The following VPS26B variants were observed in gnomAD, a reference collection of about 807,000 sequenced individuals.
VPS26B encodes VPS26 retromer complex component B.
Under a neutral mutation model 33.3 loss-of-function variants are expected in VPS26B, and 10 were observed. The ratio of observed to expected loss-of-function variants is 0.30; its 90% CI spans 0.19 to 0.51. The LOEUF (loss-of-function observed/expected upper bound fraction) is 0.51, where lower values mean the gene tolerates loss of function less well. VPS26B is among the 20% of genes least tolerant of loss of function. The pLI is 0.98. For missense variants in VPS26B, 317 were observed against 452.7 expected, an observed-to-expected ratio of 0.70 and a Z score of 2.72; for synonymous variants, 190 against 176.9, an observed-to-expected ratio of 1.07 and a Z score of -0.59.
intron 1 of VPS26B, among the ~76,000 whole-genome samples, chr11:134,229,902 G>T (rs988086437): frequency 2.0e-4 from 30 of 152,042 alleles, no homozygotes; most frequent in African/African-American, 7.2e-4. Flanking sequence ...TTCCAGCCTC[G>T]TCTCCCCTAA....
In VPS26B at chr11:134,245,206, C is replaced by A; in HGVS notation, c.864+126C>A. 2 of 1,397,336 alleles carry A rather than the reference C, an allele frequency of 1.4e-6. No homozygotes were observed. Among genetic ancestry groups the A allele is most frequent in the Non-Finnish European group, 1.9e-6 (2 of 1,047,444 alleles). 86.6% of individuals were successfully genotyped at this position (1,397,336 alleles called of 1,614,324 possible). A position where few individuals can be genotyped will look rare whatever the true frequency, so the allele number is the denominator to read the frequency against. On this transcript the variant is annotated intron_variant, in intron 5 of 5. Transcript: ENST00000281187. This position sits in a 1 kb window ranked among gnomAD's most constrained non-coding sequence, Gnocchi z 4.7. ...CATTAGGTCGCCCACAATTGCACAA[C>A]AAGAATGAGGATTCTCACCTGGCCT...
intron 2 of VPS26B, 132 bp from the exon 3 acceptor site, chr11:134,239,859 A>T (rs1262332879): frequency 3.1e-6 from 3 of 958,832 alleles, no homozygotes; most frequent in Admixed American, 2.0e-5. Flanking sequence ...GTAACTTCTT[A>T]AAAGGATACA....
chr11:134,237,004 C>T (rs1938642521), intron 2 of VPS26B, among the ~76,000 whole-genome samples: 1 of 152,128 alleles, frequency 6.6e-6, no homozygotes, highest in East Asian at 1.9e-4. Flanking sequence ...TGTTAATGTC[C>T]AAATCACATG....
intron 3 of VPS26B, among the ~76,000 whole-genome samples, chr11:134,241,813 AC>A (rs1258430403): frequency 6.6e-6 from 1 of 152,228 alleles, no homozygotes; most frequent in Non-Finnish European, 1.5e-5. Context: ...CAGACTTGGA[AC>A]CAGGTCCTGC....
chr11:134,233,592 G>A (rs1269635883), intron 1 of VPS26B, among the ~76,000 whole-genome samples: 1 of 152,216 alleles, frequency 6.6e-6, no homozygotes, highest in African/African-American at 2.4e-5. Context: ...GGGCGTGGTG[G>A]CAGATGCCTG....
intron 2 of VPS26B, among the ~76,000 whole-genome samples, chr11:134,237,046 G>T (rs759484778): frequency 1.4e-4 from 22 of 152,226 alleles, no homozygotes; most frequent in Admixed American, 5.2e-4. Context: ...CGAAAGAGAG[G>T]AGGTAGAGAT....
intron 1 of VPS26B, among the ~76,000 whole-genome samples, chr11:134,226,166 T>C (rs1565566165): frequency 6.6e-6 from 1 of 152,122 alleles, no homozygotes; most frequent in Non-Finnish European, 1.5e-5. Context: ...TTTGAGAGGC[T>C]GAAGTGGGAG....
intron 3 of VPS26B, among the ~76,000 whole-genome samples, chr11:134,242,833 A>G (rs1310416597): frequency 1.3e-5 from 2 of 152,258 alleles, no homozygotes; most frequent in Non-Finnish European, 2.9e-5. Context: ...AAGGTACTAA[A>G]GCAGCTGCAT....
chr11:134,238,477 A>T (rs1938668366), intron 2 of VPS26B, among the ~76,000 whole-genome samples: 1 of 152,196 alleles, frequency 6.6e-6, no homozygotes, highest in Non-Finnish European at 1.5e-5. Context: ...GGGCAGTGTG[A>T]TGGTTACTGA....
chr11:134,226,194 A>C (rs1323419977), intron 1 of VPS26B, among the ~76,000 whole-genome samples: 2 of 152,242 alleles, frequency 1.3e-5, no homozygotes, highest in East Asian at 3.9e-4. Context: ...TGAGGCCAGG[A>C]GTTGGAGACC....
At chr11:134,225,878 T>TA (rs1398610932) in intron 1 of VPS26B, among the ~76,000 whole-genome samples, 1 of 152,294 alleles carries the variant, frequency 6.6e-6, no homozygotes, top group African/African-American at 2.4e-5. Flanking sequence ...AGTTCTCTCT[T>TA]ACCTCACCTC....
At chr11:134,225,424 C>A (rs766491448) in intron 1 of VPS26B, 79 bp downstream of exon 1, 3 of 1,410,750 alleles carry the variant, frequency 2.1e-6, no homozygotes, top group Non-Finnish European at 3.0e-6. Flanking sequence ...CCAGCTCCTC[C>A]GGCGAGGCCT....
At chr11:134,232,058 A>T (rs1483137436) in intron 1 of VPS26B, among the ~76,000 whole-genome samples, 1 of 152,214 alleles carries the variant, frequency 6.6e-6, no homozygotes, top group East Asian at 1.9e-4. Context: ...CACCATGAAA[A>T]CATCCTGAGT....
Position 134,247,351 on chromosome 11 carries a change from C to T in VPS26B, c.*1761C>T, listed in dbSNP as rs1938850670. On this transcript the variant is annotated 3_prime_UTR_variant, in exon 6 of 6. Transcript: ENST00000281187. The stretch of plus-strand genomic sequence containing the variant: ...GGCTCTGTATCCCTCCTTTTCCTAG[C>T]TGATATTCTAACTAGAAGCATTTGT... 1 of 152,316 alleles carries T rather than the reference C, an allele frequency of 6.6e-6. No homozygotes were observed. Among genetic ancestry groups the T allele is most frequent in the Non-Finnish European group, 1.5e-5 (1 of 68,034 alleles). 9.4% of individuals were successfully genotyped at this position (152,316 alleles called of 1,614,324 possible). A position where few individuals can be genotyped will look rare whatever the true frequency, so the allele number is the denominator to read the frequency against.
intron 3 of VPS26B, among the ~76,000 whole-genome samples, chr11:134,242,647 C>G (rs900187045): frequency 3.9e-5 from 6 of 152,266 alleles, no homozygotes; most frequent in South Asian, 2.1e-4. Context: ...TCTTCTCACT[C>G]TACTGCTGCT....
Position 134,245,104 on chromosome 11 carries a change from C to T in VPS26B, c.864+24C>T, listed in dbSNP as rs760455285. The T allele has an allele frequency of 1.2e-6, 2 of 1,612,804 alleles. No individual in the cohort carries two copies. The highest frequency in any genetic ancestry group is 1.7e-6 in the Non-Finnish European group (2 of 1,179,616). ...AGGTGAGGGCCAGGCTCCTCCAGGC[C>T]CCGATGCCCTTGGGACAGAACAGGA... On this transcript the variant is annotated intron_variant, in intron 5 of 5. Coordinates refer to ENST00000281187, the MANE Select transcript of VPS26B (RefSeq NM_052875.5). This position sits in a 1 kb window ranked among gnomAD's most constrained non-coding sequence, Gnocchi z 4.7.
At chr11:134,232,629 CTCTCTGTGCCT>C (rs1438937506) in intron 1 of VPS26B, among the ~76,000 whole-genome samples, 2 of 152,218 alleles carry the variant, frequency 1.3e-5, no homozygotes, top group Non-Finnish European at 2.9e-5. Context: ...AGCCTGAGCG[CTCTCTGTGCCT>C]TCTCTGTTTT....
At chr11:134,232,835 A>G (rs992836114) in intron 1 of VPS26B, among the ~76,000 whole-genome samples, 1 of 152,166 alleles carries the variant, frequency 6.6e-6, no homozygotes, top group Admixed American at 6.5e-5. Context: ...CCAGGTTCCC[A>G]AGTCAAGGTT....
rs757218547 is a variant in VPS26B at position 134,240,066 on chromosome 11, C to G, written c.456C>G (p.Leu152=). The G allele has an allele frequency of 1.9e-6, 3 of 1,614,092 alleles. No homozygotes were observed. In the African/African-American group the frequency reaches 4.0e-5, roughly 22 times the overall value. ...AGATGGACATTGTAGTTCACACACT[C>G]AGCACATACCCAGAGCTGAACTCTT... ...VKEMDIVVHT[L]STYPELNSSI... The change falls in exon 3 of 6, where the codon CTC becomes CTG. Residue 152 remains leucine, a synonymous_variant. Coordinates refer to ENST00000281187, the MANE Select transcript of VPS26B (RefSeq NM_052875.5). This position sits in a 1 kb window ranked among gnomAD's most constrained non-coding sequence, Gnocchi z 4.4.
Sources: allele counts gnomAD v4.1 joint callset (sites outside exome capture counted in the v4.1 genomes callset), GRCh38; gene constraint gnomAD v4.1.1; non-coding constraint Gnocchi (gnomAD v3.1); transcripts MANE v1.5; gene names NCBI Gene and HGNC (gene_info 2026-07-23, HGNC 2026-07-21).